Variants in EGFR observed in about 807,000 individuals in gnomAD.
The protein encoded by EGFR is avian erythroblastic leukemia viral (v-erb-b) oncogene homolog.
Under a neutral mutation model 143.0 loss-of-function variants are expected in EGFR, and 58 were observed. That is an observed-to-expected ratio of 0.41 (90% CI 0.33 to 0.50). The LOEUF (loss-of-function observed/expected upper bound fraction) is 0.50. Among genes scored for constraint, EGFR ranks in the 20% least tolerant of loss-of-function variants. EGFR has a pLI of 0.39. For missense variants in EGFR, 1,307 were observed against 1,579.0 expected, an observed-to-expected ratio of 0.83 and a Z score of 2.92; for synonymous variants, 613 against 594.4, an observed-to-expected ratio of 1.03 and a Z score of -0.45.
chr7:55,195,557 G>C (rs1036739802), intron 22 of EGFR, among the ~76,000 whole-genome samples: 12 of 152,104 alleles, frequency 7.9e-5, no homozygotes, highest in African/African-American at 2.4e-4. Flanking sequence ...TACATGTGCA[G>C]GTTTGTTATA....
At chr7:55,072,262 A>C (rs956634728) in intron 1 of EGFR, among the ~76,000 whole-genome samples, 119 of 152,374 alleles carry the variant, frequency 7.8e-4, no homozygotes, top group African/African-American at 2.7e-3. Context: ...TACTCTGCAC[A>C]ACTTTGGAGT....
At chr7:55,021,876 G>A (rs1786586783) in intron 1 of EGFR, among the ~76,000 whole-genome samples, 1 of 152,186 alleles carries the variant, frequency 6.6e-6, no homozygotes, top group African/African-American at 2.4e-5. Context: ...TCCCACAGCT[G>A]GTGGGAGGCA....
chr7:55,150,063 T>C (rs989995323), intron 4 of EGFR, among the ~76,000 whole-genome samples: 2 of 152,218 alleles, frequency 1.3e-5, no homozygotes, highest in Non-Finnish European at 2.9e-5. Context: ...TAACAGATGG[T>C]CAATACTAGA....
intron 15 of EGFR, chr7:55,170,312 G>T (rs371814116): frequency 2.5e-6 from 4 of 1,614,148 alleles, no homozygotes; most frequent in Non-Finnish European, 2.5e-6. Context: ...TCCAGGCCAG[G>T]AAATGAGAGT....
intron 1 of EGFR, among the ~76,000 whole-genome samples, chr7:55,060,590 T>C (rs1789109946): frequency 6.6e-6 from 1 of 152,188 alleles, no homozygotes; most frequent in South Asian, 2.1e-4. Flanking sequence ...CCTTCTTCAG[T>C]ATGGCCAAAG....
Position 55,165,321 on chromosome 7 carries a change from C to T in EGFR, c.1764C>T (p.Gly588=), listed in dbSNP as rs1584200875. The T allele has an allele frequency of 4.3e-6, 7 of 1,614,154 alleles. No homozygotes were observed. Among genetic ancestry groups the T allele is most frequent in the Non-Finnish European group, 5.9e-6 (7 of 1,180,036 alleles). Residue 588 remains glycine, a synonymous_variant, in exon 15 of 28, where the codon GGC becomes GGT. Coordinates refer to ENST00000275493, the MANE Select transcript of EGFR (RefSeq NM_005228.5). ...TCCAGTGTGCCCACTACATTGACGG[C>T]CCCCACTGCGTCAAGACCTGCCCGG... ...NCIQCAHYID[G]PHCVKTCPAG... is the part of the protein sequence containing the mutation.
In EGFR at chr7:55,131,855, C is replaced by G. The variant is rs111914552; in HGVS notation, c.89-10431C>G. The stretch of plus-strand genomic sequence containing the variant: ...TCCCAGGCTAACAGCTGTCATGGAA[C>G]AGTGGAGCAGCTAGACGTGGCCATT... On this transcript the variant is annotated intron_variant, in intron 1 of 27. Coordinates refer to ENST00000275493, the MANE Select transcript of EGFR (RefSeq NM_005228.5). Among the ~76,000 whole-genome samples, 435 of 151,038 alleles carry G rather than the reference C, an allele frequency of 2.9e-3. 3 individuals are homozygous for G. The highest frequency in any genetic ancestry group is 9.1e-3 in the African/African-American group (376 of 41,106).
chr7:55,141,454 T>A (rs1167532933), intron 1 of EGFR, among the ~76,000 whole-genome samples: 1 of 152,166 alleles, frequency 6.6e-6, no homozygotes, highest in African/African-American at 2.4e-5. Context: ...TACAAGATTG[T>A]ATGCTGGTGG....
chr7:55,174,785 GCAACATCTCCGAAAGC>G lies in EGFR; in HGVS notation c.2254_2269del (p.Ser752ArgfsTer9), dbSNP rs1419897162. On this transcript the variant is annotated frameshift_variant, in exon 19 of 28. Transcript: ENST00000275493. LOFTEE classifies it high-confidence loss of function. ...CGTCGCTATCAAGGAATTAAGAGAA[GCAACATCTCCGAAAGC>G]CAACAAGGAAATCCTCGATGTGAGT... 1 of 1,614,132 alleles carries G rather than the reference GCAACATCTCCGAAAGC, an allele frequency of 6.2e-7. No homozygotes were observed. Among genetic ancestry groups the G allele is most frequent in the South Asian group, 1.1e-5 (1 of 91,080 alleles).
chr7:55,163,980 G>A (rs916909179), intron 14 of EGFR, among the ~76,000 whole-genome samples, 157 bp downstream of exon 14: 2 of 152,250 alleles, frequency 1.3e-5, no homozygotes, highest in African/African-American at 4.8e-5. Context: ...TGTCCGGGCA[G>A]GGTGTCGGTG....
chr7:55,063,401 G>A (rs1308602277), intron 1 of EGFR, among the ~76,000 whole-genome samples: 2 of 152,148 alleles, frequency 1.3e-5, no homozygotes, highest in Non-Finnish European at 2.9e-5. Flanking sequence ...GAAACGATGT[G>A]GAATTCTCTG....
At chr7:55,158,320 G>A (rs1159115201) in intron 11 of EGFR, among the ~76,000 whole-genome samples, 5 of 152,220 alleles carry the variant, frequency 3.3e-5, no homozygotes, top group African/African-American at 9.7e-5. Flanking sequence ...GTTTAGTGGT[G>A]TGGAGGAGGA....
At chr7:55,184,978 A>G (rs1787066935) in intron 20 of EGFR, among the ~76,000 whole-genome samples, 1 of 152,226 alleles carries the variant, frequency 6.6e-6, no homozygotes, top group African/African-American at 2.4e-5. Flanking sequence ...GGCATCCTCA[A>G]AATGGGATTT....
chr7:55,046,549 G>T (rs1194916347), intron 1 of EGFR, among the ~76,000 whole-genome samples: 1 of 148,430 alleles, frequency 6.7e-6, no homozygotes, highest in Non-Finnish European at 1.5e-5. Flanking sequence ...TCTCGGCTCT[G>T]TTCCTTAGAC....
Position 55,207,181 on chromosome 7 carries a change from AG to A in EGFR, c.*1565del. On this transcript the variant is annotated 3_prime_UTR_variant, in exon 28 of 28. Coordinates refer to ENST00000275493, the MANE Select transcript of EGFR (RefSeq NM_005228.5). ...AAGAAATGGTTCAGAAAATATTTTC[AG>A]CCTACAGTTATGTTCAGTCACACAC... The A allele has an allele frequency of 4.3e-6, 1 of 232,960 alleles. No homozygotes were observed. Among genetic ancestry groups the A allele is most frequent in the Non-Finnish European group, 8.5e-6 (1 of 117,848 alleles). The allele number at this position is 232,960 out of a possible 1,614,324, so 14.4% of individuals were successfully genotyped here. A position where few individuals can be genotyped will look rare whatever the true frequency, so the allele number is the denominator to read the frequency against.
intron 1 of EGFR, among the ~76,000 whole-genome samples, chr7:55,037,846 C>T (rs973315658): frequency 2.0e-5 from 3 of 152,160 alleles, no homozygotes; most frequent in Non-Finnish European, 2.9e-5. Context: ...TAACACCTTC[C>T]TCAGGAGATC....
chr7:55,137,311 C>T (rs2128923537), intron 1 of EGFR, among the ~76,000 whole-genome samples: 2 of 152,302 alleles, frequency 1.3e-5, no homozygotes, highest in South Asian at 4.1e-4. Flanking sequence ...AAGAAAACAA[C>T]AAATTAAAAC....
chr7:55,141,643 T>C (rs1446574664), intron 1 of EGFR, among the ~76,000 whole-genome samples: 2 of 152,242 alleles, frequency 1.3e-5, no homozygotes, highest in African/African-American at 4.8e-5. Context: ...TGCATTCATT[T>C]GAATAATATT....
intron 1 of EGFR, among the ~76,000 whole-genome samples, chr7:55,078,097 T>C (rs901214252): frequency 1.3e-5 from 2 of 152,156 alleles, no homozygotes; most frequent in African/African-American, 4.8e-5. Flanking sequence ...CTGCAGACCT[T>C]CTGGGCACTG....
Sources: allele counts gnomAD v4.1 joint callset (sites outside exome capture counted in the v4.1 genomes callset), GRCh38; gene constraint gnomAD v4.1.1; transcripts MANE v1.5; gene names NCBI Gene and HGNC (gene_info 2026-07-23, HGNC 2026-07-21).